Variants in LNX1 observed in about 807,000 individuals in gnomAD.
LNX1 encodes the protein E3 ubiquitin-protein ligase LNX.
In LNX1, 54 loss-of-function variants were observed where a neutral mutation model predicts 68.4. That is an observed-to-expected ratio of 0.79 (90% CI 0.63 to 0.99). The LOEUF (loss-of-function observed/expected upper bound fraction) is 0.99, where lower values mean the gene tolerates loss of function less well. Among genes scored for constraint, LNX1 ranks in the 50% least tolerant of loss-of-function variants. The probability of loss-of-function intolerance (pLI) is 0.00; values close to 1 mark genes in which losing one functional copy is unlikely to be tolerated. For synonymous variants in LNX1, 336 were observed against 350.0 expected, an observed-to-expected ratio of 0.96 and a Z score of 0.45; for missense variants, 906 against 926.4, an observed-to-expected ratio of 0.98 and a Z score of 0.29.
At chr4:53,574,532 TAGG>T (rs1325698961) in intron 1 of LNX1, among the ~76,000 whole-genome samples, 7 of 152,188 alleles carry the variant, frequency 4.6e-5, no homozygotes, top group Admixed American at 1.3e-4. Flanking sequence ...TCAGAAAAAG[TAGG>T]AGATCAGAGC....
chr4:53,589,165 C>T (rs187568722), intron 1 of LNX1, among the ~76,000 whole-genome samples: 248 of 152,300 alleles, frequency 1.6e-3, no homozygotes, highest in African/African-American at 5.6e-3. Flanking sequence ...CTGGACATTT[C>T]CCCCGAAAGG....
chr4:53,623,778 T>G (rs892475245), intron 1 of LNX1, among the ~76,000 whole-genome samples: 3 of 152,016 alleles, frequency 2.0e-5, no homozygotes, highest in African/African-American at 7.2e-5. Flanking sequence ...GTAGGTCTAT[T>G]ATTGCTGCTA....
chr4:53,544,282 C>T (rs1212208677), intron 2 of LNX1, among the ~76,000 whole-genome samples: 8 of 151,938 alleles, frequency 5.3e-5, no homozygotes, highest in Non-Finnish European at 1.0e-4. Flanking sequence ...GCAGCCTCTG[C>T]CTTCCAGGTC....
chr4:53,575,880 C>T (rs1419833179), intron 1 of LNX1: 1 of 1,582,048 alleles, frequency 6.3e-7, no homozygotes, highest in Non-Finnish European at 8.6e-7. Context: ...AGTTTGTGGT[C>T]AGCAGCCTGC....
upstream of LNX1, among the ~76,000 whole-genome samples, chr4:53,618,114 T>C (rs1733745589): frequency 6.6e-6 from 1 of 152,206 alleles, no homozygotes; most frequent in Non-Finnish European, 1.5e-5. Flanking sequence ...ATAGACAGTC[T>C]TACACCATTT....
intron 2 of LNX1, among the ~76,000 whole-genome samples, chr4:53,528,127 G>A (rs185854997): frequency 3.9e-5 from 6 of 152,118 alleles, no homozygotes; most frequent in African/African-American, 7.2e-5. Context: ...CTTTGTGTCC[G>A]CTCAGCGTAT....
At chr4:53,489,974 C>A (rs971025984) in intron 6 of LNX1, among the ~76,000 whole-genome samples, 1 of 151,760 alleles carries the variant, frequency 6.6e-6, no homozygotes, top group Non-Finnish European at 1.5e-5. Context: ...TTTACAGTAC[C>A]ACAAAAGTTC....
Position 53,573,625 on chromosome 4 carries a change from G to C in LNX1, c.378C>G (p.Thr126=). The change falls in exon 2 of 11, where the codon ACC becomes ACG. Residue 126 remains threonine (T), a splice_region_variant and synonymous_variant. Transcript: ENST00000263925. ...CGGCTCGCTGATGGGGGACCTACCT[G>C]GTTTGAAAGTGATGCTCGAGGTCAC... ...QRCDLEHHFQ[T]SCKGASHYGL... 6.3e-7 allele frequency: 1 copy of C among 1,599,116 alleles called. No homozygotes were observed. The highest frequency in any genetic ancestry group is 8.5e-7 in the Non-Finnish European group (1 of 1,173,196).
intron 2 of LNX1, among the ~76,000 whole-genome samples, chr4:53,566,760 T>C (rs1175013714): frequency 5.0e-4 from 75 of 151,044 alleles, no homozygotes; most frequent in Non-Finnish European, 8.4e-4. Context: ...ACCCATCTCA[T>C]GTGCAGAGAC....
At chr4:53,591,741 G>C (rs1274165709), upstream of LNX1, 1 of 208,726 alleles carries the variant, frequency 4.8e-6, no homozygotes, top group Non-Finnish European at 8.3e-6. Flanking sequence ...TCTTTCCTGA[G>C]CACAGCACGT....
intron 1 of LNX1, among the ~76,000 whole-genome samples, chr4:53,645,542 C>T (rs1411334632): frequency 6.6e-6 from 1 of 152,194 alleles, no homozygotes; most frequent in Non-Finnish European, 1.5e-5. Flanking sequence ...GACATTGAGG[C>T]ACGTTGCAAA....
intron 1 of LNX1, among the ~76,000 whole-genome samples, chr4:53,574,835 A>T (rs1731384509): frequency 6.6e-6 from 1 of 152,220 alleles, no homozygotes; most frequent in Admixed American, 6.5e-5. Context: ...ACCACATACT[A>T]AGTGCTCAAT....
chr4:53,507,452 A>G lies in LNX1; in HGVS notation c.640T>C (p.Ser214Pro). Residue 214 changes from serine to proline, a missense_variant, in exon 4 of 11, where the codon TCC becomes CCC. Ser to Pro is a moderately conservative substitution (Grantham distance 74, BLOSUM62 -1). Coordinates refer to ENST00000263925, the MANE Select transcript of LNX1 (RefSeq NM_001126328.3). ...TTAAATGATCTGCTTCTAATAGTGG[A>G]TCTCTCAAAGGGCCGTGCTGAGGAA... ...NRTRARPFERSTIRSRSFKKI... is the reference protein window; with the variant it reads ...NRTRARPFERPTIRSRSFKKI... 1 of 1,614,138 alleles carries G rather than the reference A, an allele frequency of 6.2e-7. No homozygotes were observed. Among genetic ancestry groups the G allele is most frequent in the African/African-American group, 1.3e-5 (1 of 75,038 alleles).
intron 1 of LNX1, among the ~76,000 whole-genome samples, chr4:53,651,954 A>G (rs1470572016): frequency 2.6e-5 from 4 of 151,818 alleles, no homozygotes; most frequent in African/African-American, 7.3e-5. Flanking sequence ...AGGCCTTTCT[A>G]GTGTTTTGAA....
At chr4:53,499,336 T>G (rs754415885) in intron 4 of LNX1, among the ~76,000 whole-genome samples, 1 of 152,152 alleles carries the variant, frequency 6.6e-6, no homozygotes, top group Non-Finnish European at 1.5e-5. Flanking sequence ...TTTTTACATT[T>G]TTTGTGGAGA....
Position 53,460,220 on chromosome 4 carries a change from T to A in LNX1, c.*687A>T. On this transcript the variant is annotated 3_prime_UTR_variant, in exon 11 of 11. Transcript: ENST00000263925. The stretch of plus-strand genomic sequence containing the variant: ...AGGCCCACTGGTGGAGCAGCATGAG[T>A]TTTTATACAGTTACTAACGATTGTG... 5.1e-6 allele frequency: 1 copy of A among 195,070 alleles called. No individual in the cohort carries two copies. The highest frequency in any genetic ancestry group is 8.0e-5 in the East Asian group (1 of 12,520). 12.1% of individuals were successfully genotyped at this position (195,070 alleles called of 1,614,324 possible). A position where few individuals can be genotyped will look rare whatever the true frequency, so the allele number is the denominator to read the frequency against.
At chr4:53,501,939 G>A (rs1725534399) in intron 4 of LNX1, 1 of 152,174 alleles carries the variant, frequency 6.6e-6, no homozygotes, top group African/African-American at 2.4e-5. Flanking sequence ...TGGAAACACG[G>A]CTCCAATCCT....
upstream of LNX1, among the ~76,000 whole-genome samples, chr4:53,594,597 C>T (rs1367174794): frequency 6.6e-5 from 10 of 152,166 alleles, no homozygotes; most frequent in Non-Finnish European, 1.0e-4. Flanking sequence ...CACTTTTCAA[C>T]TCAGAAGGAA....
intron 1 of LNX1, among the ~76,000 whole-genome samples, chr4:53,634,905 G>A (rs1312195716): frequency 2.6e-5 from 4 of 151,596 alleles, no homozygotes; most frequent in South Asian, 4.2e-4. Flanking sequence ...TCATGGGATC[G>A]TAGCTCACTG....
Sources: allele counts gnomAD v4.1 joint callset (sites outside exome capture counted in the v4.1 genomes callset), GRCh38; gene constraint gnomAD v4.1.1; transcripts MANE v1.5; gene names NCBI Gene and HGNC (gene_info 2026-07-23, HGNC 2026-07-21).